COL28A1: variants seen among roughly 807,000 people sequenced by gnomAD.
COL28A1 encodes collagen type XXVIII alpha 1 chain.
COL28A1 carries 161 observed loss-of-function variants against 150.2 expected under a neutral mutation model. That is an observed-to-expected ratio of 1.07 (90% CI 0.94 to 1.22). The LOEUF is 1.22. COL28A1 is among the 50% of genes most tolerant of loss of function. COL28A1 has a pLI of 0.00. For synonymous variants in COL28A1, 552 were observed against 469.7 expected (o/e 1.18, Z -2.26); for missense variants, 1,617 against 1,388.3 (o/e 1.16, Z -2.62).
intron 33 of COL28A1, 61 bp downstream of exon 33, chr7:7,370,664 G>T: frequency 1.4e-6 from 2 of 1,382,660 alleles, no homozygotes; most frequent in Non-Finnish European, 2.0e-6. Context: ...AATGATCTTT[G>T]ATATGAAACA....
chr7:7,342,298 A>AT, the COL28A1 span, among the ~76,000 whole-genome samples: 1 of 151,968 alleles, frequency 6.6e-6, no homozygotes, highest in African/African-American at 2.4e-5. Context: ...TTTTGTCCAT[A>AT]TTTTTATTTT....
intron 15 of COL28A1, among the ~76,000 whole-genome samples, chr7:7,458,627 G>A (rs1262606537): frequency 6.6e-6 from 1 of 152,146 alleles, no homozygotes; most frequent in African/African-American, 2.4e-5. Context: ...CTGGCTCAGA[G>A]CTGGACTATT....
At chr7:7,359,610 C>T (rs561881775) in intron 34 of COL28A1, among the ~76,000 whole-genome samples, 5 of 152,130 alleles carry the variant, frequency 3.3e-5, no homozygotes, top group Non-Finnish European at 7.3e-5. Context: ...CACAAAAAAT[C>T]CCCAAATAGA....
upstream of COL28A1, among the ~76,000 whole-genome samples, chr7:7,539,129 C>T (rs553138585): frequency 4.6e-5 from 7 of 152,266 alleles, no homozygotes; most frequent in East Asian, 1.3e-3. Flanking sequence ...ATTAGAGGAA[C>T]ACTGTCTTAG....
intron 23 of COL28A1, among the ~76,000 whole-genome samples, chr7:7,433,908 C>T (rs1785162560): frequency 6.6e-6 from 1 of 152,166 alleles, no homozygotes; most frequent in African/African-American, 2.4e-5. Context: ...TAGCAGGACT[C>T]TTAAGAACTT....
intron 34 of COL28A1, 131 bp downstream of exon 34, chr7:7,360,259 C>G: frequency 1.2e-6 from 1 of 820,596 alleles, no homozygotes; most frequent in Non-Finnish European, 1.8e-6. Flanking sequence ...CATTTTCTCT[C>G]TGGGTAACCC....
Position 7,430,461 on chromosome 7 carries a change from C to T in COL28A1, c.1998+2012G>A, listed in dbSNP as rs17517530. Among the ~76,000 whole-genome samples, 709 of 152,086 alleles carry T rather than the reference C, an allele frequency of 4.7e-3. 5 individuals are homozygous for T. The highest frequency in any genetic ancestry group is 0.022 in the East Asian group (113 of 5,178). On this transcript the variant is annotated intron_variant, in intron 25 of 34. Coordinates refer to ENST00000399429, the MANE Select transcript of COL28A1 (RefSeq NM_001037763.3). ...AGTGTTCTTTATCTGTGCCTAAGTG[C>T]CTGTATTTATTATTATTGCTCAATG...
intron 25 of COL28A1, among the ~76,000 whole-genome samples, chr7:7,424,372 T>G (rs565917665): frequency 6.6e-6 from 1 of 152,166 alleles, no homozygotes; most frequent in East Asian, 1.9e-4. Context: ...AGCAAGAGAA[T>G]TGCGGACAGG....
At chr7:7,496,722 G>A (rs1780228739) in intron 11 of COL28A1, among the ~76,000 whole-genome samples, 1 of 152,114 alleles carries the variant, frequency 6.6e-6, no homozygotes, top group African/African-American at 2.4e-5. Flanking sequence ...TTTGTGGACA[G>A]AACTTTACAC....
intron 27 of COL28A1, among the ~76,000 whole-genome samples, chr7:7,397,746 G>A (rs184735020): frequency 6.6e-6 from 1 of 152,268 alleles, no homozygotes; most frequent in East Asian, 1.9e-4. Flanking sequence ...GAATGTTTAA[G>A]ACATGTGGTA....
intron 18 of COL28A1, among the ~76,000 whole-genome samples, chr7:7,447,830 A>G (rs149566133): frequency 9.8e-5 from 15 of 152,290 alleles, no homozygotes; most frequent in African/African-American, 3.4e-4. Flanking sequence ...AAGAATGAGC[A>G]GAGCACCAGT....
chr7:7,540,732 C>T (rs1447988157), upstream of COL28A1, among the ~76,000 whole-genome samples: 2 of 152,184 alleles, frequency 1.3e-5, no homozygotes, highest in African/African-American at 2.4e-5. Flanking sequence ...AACAAATCAT[C>T]ATGGGCTAAG....
chr7:7,348,301 C>G, the COL28A1 span, among the ~76,000 whole-genome samples: 1 of 151,970 alleles, frequency 6.6e-6, no homozygotes. Context: ...GAGCTCCATC[C>G]ATCTCTCAAA....
chr7:7,493,100 C>T (rs1362280318), intron 11 of COL28A1, among the ~76,000 whole-genome samples: 1 of 147,882 alleles, frequency 6.8e-6, no homozygotes, highest in African/African-American at 2.5e-5. Flanking sequence ...ATAATATCTA[C>T]CCACTGCTGA....
intron 27 of COL28A1, among the ~76,000 whole-genome samples, chr7:7,416,197 A>G (rs937689648): frequency 4.6e-5 from 7 of 152,216 alleles, no homozygotes; most frequent in South Asian, 2.1e-4. Context: ...CTCATTTCTG[A>G]TAAGATGGGA....
chr7:7,373,684 C>G lies in COL28A1; in HGVS notation c.2360-138G>C. On this transcript the variant is annotated intron_variant, in intron 31 of 34. Coordinates refer to ENST00000399429, the MANE Select transcript of COL28A1 (RefSeq NM_001037763.3). The surrounding 1 kb of genome is among the most constrained non-coding windows in gnomAD (Gnocchi z 4.1). Reference sequence around the variant, plus strand: ...TTTCTGTGATTGTGAAAATACCTGACAGCTGTCTCCATTCTGGTTTCTTTT... The same window carrying G: ...TTTCTGTGATTGTGAAAATACCTGAGAGCTGTCTCCATTCTGGTTTCTTTT... 4.3e-6 allele frequency: 3 copies of G among 694,468 alleles called. No individual in the cohort carries two copies. In the South Asian group the frequency reaches 5.9e-5, roughly 14 times the overall value. 43.0% of individuals were successfully genotyped at this position (694,468 alleles called of 1,614,324 possible).
intron 15 of COL28A1, among the ~76,000 whole-genome samples, chr7:7,468,574 T>C (rs1327234518): frequency 8.6e-5 from 4 of 46,678 alleles, no homozygotes; most frequent in Admixed American, 2.8e-4. Context: ...TTCCAATCAA[T>C]AGAAAAAGAG....
chr7:7,372,255 C>T (rs1340100633), intron 32 of COL28A1, among the ~76,000 whole-genome samples: 3 of 151,056 alleles, frequency 2.0e-5, no homozygotes, highest in Non-Finnish European at 3.0e-5. Context: ...AAAAATTAGC[C>T]GGGCATGGTG....
chr7:7,412,035 C>T (rs146147727), intron 27 of COL28A1, among the ~76,000 whole-genome samples: 1 of 152,272 alleles, frequency 6.6e-6, no homozygotes, highest in Non-Finnish European at 1.5e-5. Flanking sequence ...TGATTGTTGA[C>T]TCTTCACCAA....
Sources: allele counts gnomAD v4.1 joint callset (sites outside exome capture counted in the v4.1 genomes callset), GRCh38; gene constraint gnomAD v4.1.1; non-coding constraint Gnocchi (gnomAD v3.1); transcripts MANE v1.5; gene names NCBI Gene and HGNC (gene_info 2026-07-23, HGNC 2026-07-21).